Variants in ANKRD30A observed in about 807,000 individuals in gnomAD.
The protein encoded by ANKRD30A is ankyrin repeat domain 30A.
In ANKRD30A, 170 loss-of-function variants were observed where a neutral mutation model predicts 166.3. The observed-to-expected ratio is 1.02, with a 90% CI of 0.90 to 1.16. The LOEUF is 1.16. Ranked by LOEUF, ANKRD30A falls within the 50% of genes most tolerant of loss-of-function variation. The pLI is 0.00. For synonymous variants in ANKRD30A, 564 were observed against 508.9 expected, an observed-to-expected ratio of 1.11 and a Z score of -1.46; for missense variants, 1,630 against 1,518.0, an observed-to-expected ratio of 1.07 and a Z score of -1.23.
chr10:37,189,839 A>C (rs1446109020), intron 25 of ANKRD30A, among the ~76,000 whole-genome samples: 3 of 151,402 alleles, frequency 2.0e-5, no homozygotes, highest in East Asian at 1.9e-4. Flanking sequence ...GAGTAAATGA[A>C]GACTGAGAAA....
chr10:37,218,166 T>C (rs1842700182), intron 33 of ANKRD30A, among the ~76,000 whole-genome samples: 1 of 151,014 alleles, frequency 6.6e-6, no homozygotes, highest in African/African-American at 2.4e-5. Flanking sequence ...GTTTAGTGTT[T>C]TTCCTAGTTA....
chr10:37,244,145 C>T, the ANKRD30A span, among the ~76,000 whole-genome samples: 1 of 152,152 alleles, frequency 6.6e-6, no homozygotes, highest in Non-Finnish European at 1.5e-5. Context: ...CTTCTCCTGG[C>T]AGTTTTGGGT....
intron 30 of ANKRD30A, among the ~76,000 whole-genome samples, chr10:37,200,086 GA>G (rs1841499227): frequency 1.3e-5 from 2 of 152,030 alleles, no homozygotes. Flanking sequence ...AAAAGCAAAA[GA>G]ATTACACTGA....
intron 31 of ANKRD30A, among the ~76,000 whole-genome samples, chr10:37,202,757 G>A (rs549964183): frequency 6.6e-6 from 1 of 152,010 alleles, no homozygotes; most frequent in East Asian, 1.9e-4. Context: ...TAATAAAGAA[G>A]AAAAGTGAGA....
chr10:37,205,924 G>A (rs1163345535), intron 31 of ANKRD30A, among the ~76,000 whole-genome samples: 2 of 152,102 alleles, frequency 1.3e-5, no homozygotes, highest in Non-Finnish European at 2.9e-5. Flanking sequence ...GAAATAATTT[G>A]GAAGAAGAGC....
At chr10:37,138,908 T>C (rs954778648) in intron 6 of ANKRD30A, among the ~76,000 whole-genome samples, 13 of 152,132 alleles carry the variant, frequency 8.5e-5, no homozygotes, top group African/African-American at 2.9e-4. Context: ...GAAGAGCAAC[T>C]CCAAGACACA....
chr10:37,236,231 C>G (rs951352797), downstream of ANKRD30A, among the ~76,000 whole-genome samples: 1 of 152,124 alleles, frequency 6.6e-6, no homozygotes, highest in African/African-American at 2.4e-5. Flanking sequence ...CTATTTCTTT[C>G]CCTGAGTTCA....
At chr10:37,254,683 C>CTTTTTTTTTTTTTTTTTTTTTTT in the ANKRD30A span, among the ~76,000 whole-genome samples, 1 of 126,540 alleles carries the variant, frequency 7.9e-6, no homozygotes, top group African/African-American at 2.9e-5. Flanking sequence ...CTTTTCTTTT[C>CTTTTTTTTTTTTTTTTTTTTTTT]TTTTTTTTTT....
At chr10:37,260,508 C>G in the ANKRD30A span, among the ~76,000 whole-genome samples, 26 of 152,208 alleles carry the variant, frequency 1.7e-4, no homozygotes, top group Admixed American at 1.7e-3. Flanking sequence ...TATGATTAAT[C>G]TTCCCTTATC....
At chr10:37,139,589 A>G (rs1039165825) in intron 6 of ANKRD30A, among the ~76,000 whole-genome samples, 1 of 152,224 alleles carries the variant, frequency 6.6e-6, no homozygotes, top group African/African-American at 2.4e-5. Context: ...AGCCATAACC[A>G]TATCTTGAGA....
At chr10:37,130,519 T>C in intron 3 of ANKRD30A, 141 bp downstream of exon 3, 2 of 577,450 alleles carry the variant, frequency 3.5e-6, no homozygotes, top group Non-Finnish European at 5.2e-6. Flanking sequence ...TCTAAGATTT[T>C]ACTTTAAATA....
chr10:37,240,240 G>A, the ANKRD30A span, among the ~76,000 whole-genome samples: 2 of 151,830 alleles, frequency 1.3e-5, no homozygotes, highest in Non-Finnish European at 2.9e-5. Flanking sequence ...TCAAGTAGTC[G>A]GCATATCTGT....
At chr10:37,223,311 GA>G (rs1407542568) in intron 34 of ANKRD30A, among the ~76,000 whole-genome samples, 2 of 150,512 alleles carry the variant, frequency 1.3e-5, no homozygotes, top group East Asian at 3.9e-4. Flanking sequence ...ATGGTTAATA[GA>G]AAAAGAAAAA....
At chr10:37,225,749 C>T (rs1446003627) in intron 34 of ANKRD30A, among the ~76,000 whole-genome samples, 2 of 151,600 alleles carry the variant, frequency 1.3e-5, no homozygotes, top group Non-Finnish European at 2.9e-5. Context: ...GCAAGCAGTA[C>T]GCCATCCTAT....
intron 11 of ANKRD30A, among the ~76,000 whole-genome samples, chr10:37,150,112 A>T (rs554527905): frequency 1.3e-5 from 2 of 152,234 alleles, no homozygotes; most frequent in African/African-American, 4.8e-5. Flanking sequence ...GAACTTCTGT[A>T]ATTCTTAAAG....
intron 1 of ANKRD30A, among the ~76,000 whole-genome samples, chr10:37,128,590 A>G (rs1184833991): frequency 6.6e-6 from 1 of 152,096 alleles, no homozygotes; most frequent in Non-Finnish European, 1.5e-5. Flanking sequence ...TGCTTTATTT[A>G]TAGCAGTGTT....
intron 1 of ANKRD30A, among the ~76,000 whole-genome samples, chr10:37,129,432 G>T (rs981811065): frequency 2.0e-5 from 3 of 152,082 alleles, no homozygotes; most frequent in African/African-American, 7.2e-5. Context: ...TACTTAAAAT[G>T]CTGTCTTTGT....
At chr10:37,228,317 C>G (rs2132762282) in intron 34 of ANKRD30A, among the ~76,000 whole-genome samples, 1 of 151,980 alleles carries the variant, frequency 6.6e-6, no homozygotes, top group South Asian at 2.1e-4. Flanking sequence ...TTCATATAGA[C>G]AAACTTGAAG....
chr10:37,156,505 T>C, intron 13 of ANKRD30A, among the ~76,000 whole-genome samples: 1 of 152,220 alleles, frequency 6.6e-6, no homozygotes, highest in Admixed American at 6.5e-5. Context: ...AAGTGCCAAG[T>C]GATAAATGGT....
Sources: gnomAD v4.1 joint callset for allele counts (sites outside exome capture counted in the v4.1 genomes callset) on GRCh38, gnomAD v4.1.1 for gene constraint, MANE v1.5 for transcripts, NCBI Gene and HGNC (gene_info 2026-07-23, HGNC 2026-07-21) for gene names.